URI1: variants seen among roughly 807,000 people sequenced by gnomAD.
URI1 encodes the protein URI1 prefoldin like chaperone, also known as unconventional prefoldin RPB5 interactor 1.
Under a neutral mutation model 60.2 loss-of-function variants are expected in URI1, and 39 were observed. That is an observed-to-expected ratio of 0.65 (90% CI 0.50 to 0.85). The LOEUF (loss-of-function observed/expected upper bound fraction) is 0.85, where lower values mean the gene tolerates loss of function less well. URI1 is among the 40% of genes least tolerant of loss of function. The probability of loss-of-function intolerance (pLI) is 0.00; values close to 1 mark genes in which losing one functional copy is unlikely to be tolerated. For missense variants in URI1, 691 were observed against 665.9 expected (o/e 1.04, Z -0.42); for synonymous variants, 251 against 236.8 (o/e 1.06, Z -0.55).
intron 1 of URI1, among the ~76,000 whole-genome samples, chr19:29,949,781 G>A (rs1239805895): frequency 1.3e-5 from 2 of 152,146 alleles, no homozygotes; most frequent in African/African-American, 2.4e-5. Flanking sequence ...GTGGCGGCGC[G>A]CGCCTGCAAT....
intron 1 of URI1, among the ~76,000 whole-genome samples, chr19:29,954,489 C>T (rs1246020175): frequency 6.8e-6 from 1 of 147,602 alleles, no homozygotes; most frequent in African/African-American, 2.5e-5. Context: ...CATTCCTGCT[C>T]TTACTTACCC....
At chr19:29,961,675 G>GTTTTTTTTTTT (rs200425572) in intron 1 of URI1, among the ~76,000 whole-genome samples, 21 of 117,510 alleles carry the variant, frequency 1.8e-4, no homozygotes, top group East Asian at 2.5e-4. Context: ...TTTTTTTTTT[G>GTTTTTTTTTTT]TTTTTTTTTT....
intron 1 of URI1, among the ~76,000 whole-genome samples, chr19:29,970,039 T>G (rs1199303405): frequency 6.6e-6 from 1 of 151,826 alleles, no homozygotes; most frequent in East Asian, 1.9e-4. Context: ...TGTCTTAGTA[T>G]TTAAAATGTC....
At chr19:29,970,299 C>T (rs1007070372) in intron 1 of URI1, among the ~76,000 whole-genome samples, 11 of 151,748 alleles carry the variant, frequency 7.2e-5, no homozygotes, top group African/African-American at 2.4e-4. Context: ...TGGCTTTCAT[C>T]CCCTAGTTTC....
intron 4 of URI1, among the ~76,000 whole-genome samples, chr19:29,994,875 A>C (rs1028918580): frequency 2.0e-5 from 3 of 150,146 alleles, no homozygotes; most frequent in African/African-American, 7.4e-5. Flanking sequence ...TCCGCCTCCC[A>C]GGTTCAAGAG....
chr19:29,950,303 G>A (rs1449438688), intron 1 of URI1, among the ~76,000 whole-genome samples: 2 of 152,168 alleles, frequency 1.3e-5, no homozygotes, highest in African/African-American at 4.8e-5. Flanking sequence ...CTGTGATTTG[G>A]CCATAACTGC....
intron 1 of URI1, among the ~76,000 whole-genome samples, chr19:29,944,140 CATATATAT>C (rs56329506): frequency 0.014 from 514 of 36,962 alleles, 6 homozygotes; most frequent in Non-Finnish European, 0.023. Context: ...CCCTGTCATT[CATATATAT>C]ATATATATAT....
intron 1 of URI1, chr19:29,925,441 C>A (rs1287870358): frequency 2.0e-5 from 3 of 152,214 alleles, no homozygotes; most frequent in African/African-American, 7.2e-5. Flanking sequence ...CACTGGGGGA[C>A]CTTGGCTGAG....
At chr19:30,002,596 A>G (rs928928866) in intron 4 of URI1, among the ~76,000 whole-genome samples, 2 of 151,952 alleles carry the variant, frequency 1.3e-5, no homozygotes, top group African/African-American at 4.8e-5. Flanking sequence ...AGAAAATTTA[A>G]CTTCTGATTT....
At chr19:29,948,517 G>T (rs1364506486) in intron 1 of URI1, among the ~76,000 whole-genome samples, 1 of 152,052 alleles carries the variant, frequency 6.6e-6, no homozygotes, top group East Asian at 1.9e-4. Context: ...TGTTCTGTAA[G>T]TTCTGTAACT....
At chr19:29,949,650 G>T (rs1435344008) in intron 1 of URI1, among the ~76,000 whole-genome samples, 1 of 152,256 alleles carries the variant, frequency 6.6e-6, no homozygotes, top group Non-Finnish European at 1.5e-5. Context: ...GACTCCGTCT[G>T]CAATCCCGGC....
rs1045463584 is a variant in URI1, at chr19:30,015,048, C to T, written c.1587C>T (p.Ala529=). The part of the protein sequence containing the change: ...TGKRVSKFKA[A]RLQQKD ...AGAGGGTTTCAAAGTTTAAAGCTGC[C>T]AGATTGCAACAGAAAGACTAGGCCC... The change falls in exon 11 of 11, where the codon GCC becomes GCT. Residue 529 remains alanine, a synonymous_variant. Coordinates refer to ENST00000392271, the MANE Select transcript of URI1 (RefSeq NM_003796.3). 17 of 1,613,142 alleles carry T rather than the reference C, an allele frequency of 1.1e-5. No individual in the cohort carries two copies. Among genetic ancestry groups the T allele is most frequent in the Non-Finnish European group, 1.4e-5 (17 of 1,179,544 alleles).
At position 29,986,433 on chromosome 19, in the gene URI1, A is replaced by C; in HGVS notation, c.367+16A>C. ...CGGAAAGAACGTAGGTACCCATTTTAAATGATGTTTCTTTGTTGTATATGT... is the reference window on the plus strand; with the variant it reads ...CGGAAAGAACGTAGGTACCCATTTTCAATGATGTTTCTTTGTTGTATATGT... On this transcript the variant is annotated intron_variant, in intron 4 of 10. Coordinates refer to ENST00000392271, the MANE Select transcript of URI1 (RefSeq NM_003796.3). The C allele has an allele frequency of 6.3e-7, 1 of 1,599,940 alleles. No individual in the cohort carries two copies. Among genetic ancestry groups the C allele is most frequent in the Non-Finnish European group, 8.5e-7 (1 of 1,177,054 alleles).
chr19:29,971,279 A>C, intron 2 of URI1, 52 bp downstream of exon 2: 1 of 1,575,250 alleles, frequency 6.3e-7, no homozygotes, highest in Non-Finnish European at 8.7e-7. Flanking sequence ...GGGGTAACCT[A>C]CTTGTGTTCA....
At chr19:30,001,686 T>C (rs1484582405) in intron 4 of URI1, among the ~76,000 whole-genome samples, 1 of 151,990 alleles carries the variant, frequency 6.6e-6, no homozygotes, top group African/African-American at 2.4e-5. Flanking sequence ...ATATCCCAGA[T>C]CGACTTGTAG....
chr19:30,014,905 AT>A lies in URI1; in HGVS notation c.1445del (p.Ile482LysfsTer10), dbSNP rs763490741. The A allele has an allele frequency of 6.2e-7, 1 of 1,612,618 alleles. No individual in the cohort carries two copies. Among genetic ancestry groups the A allele is most frequent in the Non-Finnish European group, 8.5e-7 (1 of 1,179,084 alleles). On this transcript the variant is annotated frameshift_variant, in exon 11 of 11. Transcript: ENST00000392271. LOFTEE classifies it high-confidence loss of function. ...TTTCTAGGCTTTTTCTGGAACTGTT[AT>A]AGAAAAAGAATTTGTATCACCTTCC... ...VTPEAFSGTVIEKEFVSPSLT... is the reference protein window; with the variant it reads ...VTPEAFSGTVXEKEFVSPSLT...
intron 1 of URI1, among the ~76,000 whole-genome samples, chr19:29,962,453 G>T: frequency 7.7e-6 from 1 of 129,354 alleles, no homozygotes; most frequent in Non-Finnish European, 1.6e-5. Flanking sequence ...AGTCTCTGGT[G>T]TCTCTAGAGA....
At chr19:29,940,040 A>G (rs1298672034), upstream of URI1, among the ~76,000 whole-genome samples, 1 of 152,188 alleles carries the variant, frequency 6.6e-6, no homozygotes, top group Non-Finnish European at 1.5e-5. Context: ...AGGTGTGCGA[A>G]TTGGATGTCT....
At chr19:30,008,156 TTTACGAAATTG>T (rs1888173554) in intron 7 of URI1, among the ~76,000 whole-genome samples, 1 of 152,090 alleles carries the variant, frequency 6.6e-6, no homozygotes, top group African/African-American at 2.4e-5. Flanking sequence ...TATGAGAAAC[TTTACGAAATTG>T]CTGTTTGAAA....
Sources: gnomAD v4.1 joint callset for allele counts (sites outside exome capture counted in the v4.1 genomes callset) on GRCh38, gnomAD v4.1.1 for gene constraint, MANE v1.5 for transcripts, NCBI Gene and HGNC (gene_info 2026-07-23, HGNC 2026-07-21) for gene names.